Variants in SYT14 observed in about 807,000 individuals in gnomAD.
SYT14 encodes synaptotagmin 14, also known as synaptotagmin-14.
SYT14 carries 32 observed loss-of-function variants against 74.2 expected under a neutral mutation model. The ratio of observed to expected loss-of-function variants is 0.43; its 90% CI spans 0.33 to 0.58. The LOEUF is 0.58. Among genes scored for constraint, SYT14 ranks in the 20% least tolerant of loss-of-function variants. SYT14 has a pLI of 0.05. For missense variants in SYT14, 791 were observed against 981.8 expected (o/e 0.81, Z 2.60); for synonymous variants, 298 against 337.7 (o/e 0.88, Z 1.29).
chr1:210,069,817 CT>C (rs1422644570), intron 5 of SYT14, among the ~76,000 whole-genome samples: 2 of 149,884 alleles, frequency 1.3e-5, no homozygotes, highest in Middle Eastern at 3.4e-3. Context: ...TCTGTTATAC[CT>C]TTTTTTTTGT....
intron 5 of SYT14, among the ~76,000 whole-genome samples, chr1:210,042,057 G>T (rs2080800613): frequency 6.6e-6 from 1 of 151,916 alleles, no homozygotes; most frequent in Non-Finnish European, 1.5e-5. Context: ...TTAGGATGTT[G>T]CATTCTGAGT....
At chr1:210,159,324 A>G in intron 8 of SYT14, 97 bp from the exon 8 acceptor site, 1 of 1,166,458 alleles carries the variant, frequency 8.6e-7, no homozygotes, top group Non-Finnish European at 1.3e-6. Flanking sequence ...TCCAGTGAAC[A>G]GTGTTTCCTC....
chr1:210,047,901 G>T (rs1043831826), intron 5 of SYT14, among the ~76,000 whole-genome samples: 1 of 152,180 alleles, frequency 6.6e-6, no homozygotes, highest in Non-Finnish European at 1.5e-5. Flanking sequence ...TACTATGTCA[G>T]TGAGATGTCT....
intron 5 of SYT14, among the ~76,000 whole-genome samples, chr1:210,046,545 T>C (rs1161597401): frequency 1.3e-5 from 2 of 152,176 alleles, no homozygotes; most frequent in Non-Finnish European, 2.9e-5. Flanking sequence ...TCACCCTCAG[T>C]ATCAGGCAAC....
intron 2 of SYT14, among the ~76,000 whole-genome samples, chr1:209,955,243 G>T (rs188477306): frequency 2.6e-5 from 4 of 152,172 alleles, no homozygotes; most frequent in Admixed American, 1.3e-4. Flanking sequence ...TGAGTTACTT[G>T]ATGTTTCTAT....
chr1:210,060,347 G>A (rs1558161135), intron 5 of SYT14, among the ~76,000 whole-genome samples: 1 of 151,838 alleles, frequency 6.6e-6, no homozygotes. Context: ...GCATTTTATT[G>A]CCTTTATAAT....
intron 5 of SYT14, among the ~76,000 whole-genome samples, chr1:210,042,351 CAGA>C (rs1435448261): frequency 6.6e-6 from 1 of 152,176 alleles, no homozygotes; most frequent in Non-Finnish European, 1.5e-5. Flanking sequence ...TTTTGCTGTG[CAGA>C]AGCTCTTTAA....
chr1:210,090,738 CAATAATAA>C (rs1364185441), intron 5 of SYT14, among the ~76,000 whole-genome samples: 1 of 151,834 alleles, frequency 6.6e-6, no homozygotes, highest in African/African-American at 2.4e-5. Context: ...TGTAATTTAA[CAATAATAA>C]TATAAATTTT....
chr1:210,020,111 A>G (rs560800214), intron 4 of SYT14, among the ~76,000 whole-genome samples: 1 of 152,098 alleles, frequency 6.6e-6, no homozygotes, highest in Non-Finnish European at 1.5e-5. Flanking sequence ...GTGTATATAT[A>G]TTTTTCAAAT....
chr1:209,962,255 G>A (rs1000866861), intron 2 of SYT14, among the ~76,000 whole-genome samples: 6 of 151,472 alleles, frequency 4.0e-5, no homozygotes, highest in East Asian at 1.9e-4. Flanking sequence ...GGTTCTTAGC[G>A]TAGATATCTT....
intron 2 of SYT14, among the ~76,000 whole-genome samples, chr1:209,968,152 T>TGTCC (rs1020567001): frequency 2.0e-5 from 3 of 152,168 alleles, no homozygotes; most frequent in African/African-American, 7.2e-5. Context: ...ATAAGTTCAC[T>TGTCC]GGGACTGTGA....
chr1:209,962,658 T>G (rs946195085), intron 2 of SYT14, among the ~76,000 whole-genome samples: 2 of 152,130 alleles, frequency 1.3e-5, no homozygotes, highest in African/African-American at 4.8e-5. Context: ...AAATTCAGGC[T>G]GCCATAAATT....
rs564138481 is a variant in SYT14, at chr1:210,120,965, G to T, written c.2034+20504G>T. ...AATCTGCCATTTTAGTGCCAAAGTT[G>T]TTAGATATTCAAGACCAAGTTTATG... On this transcript the variant is annotated intron_variant, in intron 7 of 9. Transcript: ENST00000637265. Among the ~76,000 whole-genome samples, 9 of 152,156 alleles carry T rather than the reference G, an allele frequency of 5.9e-5. No individual in the cohort carries two copies. In the East Asian group the frequency reaches 1.7e-3, roughly 29 times the overall value.
chr1:210,127,326 G>A (rs550004603), intron 7 of SYT14, among the ~76,000 whole-genome samples: 1 of 152,172 alleles, frequency 6.6e-6, no homozygotes, highest in African/African-American at 2.4e-5. Context: ...TTGCTAAGGA[G>A]ACCCTCTATT....
rs554603273 is a variant in SYT14, at chr1:210,011,601, A to G, written c.-485-2032A>G. On this transcript the variant is annotated intron_variant, in intron 2 of 9. Coordinates refer to ENST00000637265, the Ensembl canonical transcript of SYT14. ...TTGAAAAGATATAATGTCTTATTCAATTCTATACCTGGTATACCTAGTTTT... is the reference window on the plus strand; with the variant it reads ...TTGAAAAGATATAATGTCTTATTCAGTTCTATACCTGGTATACCTAGTTTT... 4.6e-5 allele frequency among the ~76,000 whole-genome samples: 7 copies of G among 152,292 alleles called. No homozygotes were observed. In the East Asian group the frequency reaches 9.6e-4, roughly 21 times the overall value.
At chr1:209,960,564 A>G (rs1049571054) in intron 2 of SYT14, among the ~76,000 whole-genome samples, 30 of 152,178 alleles carry the variant, frequency 2.0e-4, no homozygotes, top group Admixed American at 2.0e-3. Flanking sequence ...CAGCTTTCCA[A>G]TCTTTTCTCC....
At chr1:210,024,162 G>T (rs1181564258) in intron 5 of SYT14, among the ~76,000 whole-genome samples, 1 of 152,198 alleles carries the variant, frequency 6.6e-6, no homozygotes, top group African/African-American at 2.4e-5. Context: ...TGACTAGGAA[G>T]ATAGGGTTTA....
intron 2 of SYT14, among the ~76,000 whole-genome samples, chr1:209,975,739 C>T (rs1364548214): frequency 4.6e-5 from 7 of 152,252 alleles, no homozygotes; most frequent in Non-Finnish European, 1.0e-4. Flanking sequence ...AGGGAGGATT[C>T]CCTCTTTTTC....
chr1:210,103,549 C>CAAAA lies in SYT14; in HGVS notation c.2034+3104_2034+3107dup, dbSNP rs11430691. Among the ~76,000 whole-genome samples, 8 of 87,848 alleles carry CAAAA rather than the reference C, an allele frequency of 9.1e-5. 1 individual carries two copies. The highest frequency in any genetic ancestry group is 2.5e-4 in the African/African-American group (5 of 19,984). 57.6% of individuals were successfully genotyped at this position (87,848 alleles called of 152,430 possible). On this transcript the variant is annotated intron_variant, in intron 7 of 9. Coordinates refer to ENST00000637265, the Ensembl canonical transcript of SYT14. Reference sequence around the variant, plus strand: ...TGGATGACAGAGCAAGACTCTGTCTCAAAAAAAAAAAAAAAAAAAGAGTTT... The same window carrying CAAAA: ...TGGATGACAGAGCAAGACTCTGTCTCAAAAAAAAAAAAAAAAAAAAAAAGAGTTT...
Sources: gnomAD v4.1 joint callset for allele counts (sites outside exome capture counted in the v4.1 genomes callset) on GRCh38, gnomAD v4.1.1 for gene constraint, MANE v1.5 for transcripts, NCBI Gene and HGNC (gene_info 2026-07-23, HGNC 2026-07-21) for gene names.